FIG4: variants seen among roughly 807,000 people sequenced by gnomAD.
The protein encoded by FIG4 is polyphosphoinositide phosphatase.
FIG4 carries 112 observed loss-of-function variants against 118.6 expected under a neutral mutation model. The ratio of observed to expected loss-of-function variants is 0.94; its 90% confidence interval spans 0.81 to 1.11. FIG4 has a LOEUF of 1.11. Ranked by LOEUF, FIG4 falls within the 50% of genes least tolerant of loss-of-function variation. The probability of loss-of-function intolerance (pLI) is 0.00; values close to 1 mark genes in which losing one functional copy is unlikely to be tolerated. For synonymous variants in FIG4, 369 were observed against 381.2 expected, an observed-to-expected ratio of 0.97 and a Z score of 0.37; for missense variants, 969 against 1,111.7, an observed-to-expected ratio of 0.87 and a Z score of 1.83.
At chr6:109,703,844 G>C (rs1455866139) in intron 1 of FIG4, among the ~76,000 whole-genome samples, 1 of 152,124 alleles carries the variant, frequency 6.6e-6, no homozygotes, top group Non-Finnish European at 1.5e-5. Context: ...AGTCCACCTC[G>C]TGCTGGGGTT....
chr6:109,760,152 A>T, intron 10 of FIG4, 98 bp from the exon 11 acceptor site: 1 of 1,004,872 alleles, frequency 1.0e-6, no homozygotes. Context: ...TAAGACTTGG[A>T]TTTTTTTGTC....
At chr6:109,724,803 TTG>T (rs60968865) in intron 3 of FIG4, among the ~76,000 whole-genome samples, 89,115 of 146,504 alleles carry the variant, frequency 0.61, 27,946 homozygotes, top group Non-Finnish European at 0.72. Flanking sequence ...TTATAATCCT[TTG>T]TGTGTGTGTG....
Position 109,732,636 on chromosome 6 carries a change from G to A in FIG4, c.447-1G>A, listed in dbSNP as rs777139793. ...AATGTACTTTGTTTTTTTTTTTTTA[G>A]GTATCTACGAATATTTCAAAATGTG... is the stretch of plus-strand genomic sequence containing the variant. On this transcript the variant is annotated splice_acceptor_variant, in intron 4 of 22. Coordinates refer to ENST00000230124, the MANE Select transcript of FIG4 (RefSeq NM_014845.6). LOFTEE classifies it high-confidence loss of function. 8.2e-7 allele frequency: 1 copy of A among 1,221,270 alleles called. No individual in the cohort carries two copies. The highest frequency in any genetic ancestry group is 1.2e-5 in the South Asian group (1 of 80,402). 75.7% of individuals were successfully genotyped at this position (1,221,270 alleles called of 1,614,324 possible). A position where few individuals can be genotyped will look rare whatever the true frequency, so the allele number is the denominator to read the frequency against.
intron 22 of FIG4, among the ~76,000 whole-genome samples, chr6:109,815,495 G>GCCCCCCCCCCCCCCCCCCCCCCCCCCC (rs112617514): frequency 2.2e-5 from 2 of 89,158 alleles, no homozygotes; most frequent in African/African-American, 6.9e-5. Flanking sequence ...ACTCCAGGCT[G>GCCCCCCCCCCCCCCCCCCCCCCCCCCC]CCCCCCCCAC....
At chr6:109,785,106 C>A in intron 17 of FIG4, 78 bp downstream of exon 17, 1 of 822,088 alleles carries the variant, frequency 1.2e-6, no homozygotes, top group Non-Finnish European at 2.2e-6. Flanking sequence ...AGCATTAAAT[C>A]CTTTGCACAT....
intron 22 of FIG4, among the ~76,000 whole-genome samples, chr6:109,800,697 C>G (rs1778403839): frequency 6.6e-6 from 1 of 152,156 alleles, no homozygotes. Context: ...CCATGAGCAT[C>G]CCTAGAATGC....
chr6:109,728,867 C>T (rs1775898000), intron 4 of FIG4, among the ~76,000 whole-genome samples: 1 of 152,068 alleles, frequency 6.6e-6, no homozygotes, highest in African/African-American at 2.4e-5. Flanking sequence ...CTTTATGATA[C>T]TTTAGCCAAG....
intron 22 of FIG4, among the ~76,000 whole-genome samples, chr6:109,822,975 A>T (rs1033779001): frequency 4.6e-5 from 7 of 151,726 alleles, no homozygotes; most frequent in African/African-American, 1.7e-4. Flanking sequence ...TAATCTAGTG[A>T]ATCTGATGAC....
At position 109,715,025 on chromosome 6, in the gene FIG4, G is replaced by C; in HGVS notation, c.67-53G>C. The C allele has an allele frequency of 6.1e-6, 6 of 988,870 alleles. No homozygotes were observed. In the South Asian group the frequency reaches 7.9e-5, roughly 13 times the overall value. 61.3% of individuals were successfully genotyped at this position (988,870 alleles called of 1,614,324 possible). ...TTCAAAAACTAAAGTGGTATAAAAT[G>C]TGTATAGGGCAAAATGCTTTGATAA... On this transcript the variant is annotated intron_variant, in intron 1 of 22. Transcript: ENST00000230124.
chr6:109,787,825 A>G (rs762718519), intron 18 of FIG4, among the ~76,000 whole-genome samples: 1 of 152,176 alleles, frequency 6.6e-6, no homozygotes, highest in Non-Finnish European at 1.5e-5. Context: ...CTCTGGTCAC[A>G]TCATATTTGT....
intron 1 of FIG4, among the ~76,000 whole-genome samples, chr6:109,696,225 C>T (rs1039668168): frequency 2.0e-5 from 3 of 152,116 alleles, no homozygotes; most frequent in African/African-American, 4.8e-5. Context: ...GTTGCTCTGA[C>T]GGGCTGTTTT....
In FIG4 at chr6:109,770,347, G is replaced by A. The variant is rs186622183; in HGVS notation, c.1750+3452G>A. Among the ~76,000 whole-genome samples the A allele has an allele frequency of 3.3e-3, 489 of 146,446 alleles. 1 individual carries two copies. Among genetic ancestry groups the A allele is most frequent in the South Asian group, 0.027 (128 of 4,720 alleles). The stretch of plus-strand genomic sequence containing the variant: ...TTAATAATAGATCTGCTGTATATAC[G>A]TGTGTGTGTGTGTATATATATGCCT... On this transcript the variant is annotated intron_variant, in intron 15 of 22. Transcript: ENST00000230124.
intron 16 of FIG4, among the ~76,000 whole-genome samples, chr6:109,780,745 GA>G (rs963653874): frequency 8.5e-5 from 13 of 152,152 alleles, no homozygotes; most frequent in Non-Finnish European, 1.6e-4. Context: ...TCTATGCCAT[GA>G]AATAATACTT....
At chr6:109,697,394 A>AGGCTTGAAAGAAATGGCAGATTTACTT (rs1774762309) in intron 1 of FIG4, among the ~76,000 whole-genome samples, 1 of 152,146 alleles carries the variant, frequency 6.6e-6, no homozygotes, top group Non-Finnish European at 1.5e-5. Context: ...AGTCATCTGA[A>AGGCTTGAAAGAAATGGCAGATTTACTT]GGCTTGAAAG....
At chr6:109,734,528 TAA>T (rs1270844733) in intron 5 of FIG4, among the ~76,000 whole-genome samples, 8 of 151,438 alleles carry the variant, frequency 5.3e-5, no homozygotes, top group African/African-American at 1.7e-4. Flanking sequence ...GCTATATATA[TAA>T]AGAGAGCTAG....
intron 1 of FIG4, among the ~76,000 whole-genome samples, chr6:109,693,894 G>A (rs938673217): frequency 3.0e-5 from 4 of 132,276 alleles, no homozygotes; most frequent in Non-Finnish European, 6.6e-5. Context: ...GATATAAGCA[G>A]AAAGGTTTTG....
rs1454551695 is a variant in FIG4, at chr6:109,712,058, T to C, written c.67-3020T>C. Among the ~76,000 whole-genome samples, 6 of 152,368 alleles carry C rather than the reference T, an allele frequency of 3.9e-5. No homozygotes were observed. The East Asian group carries it at 1.2e-3, about 29-fold the overall frequency. On this transcript the variant is annotated intron_variant, in intron 1 of 22. Coordinates refer to ENST00000230124, the MANE Select transcript of FIG4 (RefSeq NM_014845.6). ...ATGAAATTCTGAGTTGGAAATTCTT[T>C]TCTTCAAGAAGGTGAATATTGGCCC...
chr6:109,723,793 G>A (rs1184561545), intron 3 of FIG4, among the ~76,000 whole-genome samples: 1 of 152,170 alleles, frequency 6.6e-6, no homozygotes, highest in Non-Finnish European at 1.5e-5. Context: ...GCCCAGAGCT[G>A]TCAGCAGTTG....
chr6:109,808,341 C>CA (rs1279199668), intron 22 of FIG4, among the ~76,000 whole-genome samples: 2 of 105,652 alleles, frequency 1.9e-5, no homozygotes, highest in Non-Finnish European at 3.4e-5. Flanking sequence ...CACTCCTACA[C>CA]ACTCACAGCA....
Sources: allele counts gnomAD v4.1 joint callset (sites outside exome capture counted in the v4.1 genomes callset), GRCh38; gene constraint gnomAD v4.1.1; transcripts MANE v1.5; gene names NCBI Gene and HGNC (gene_info 2026-07-23, HGNC 2026-07-21).